AK3: variants seen among roughly 807,000 people sequenced by gnomAD.
AK3 encodes the protein GTP:AMP phosphotransferase AK3, mitochondrial.
A neutral mutation model predicts 23.7 loss-of-function variants in AK3; 27 were observed. The ratio of observed to expected loss-of-function variants is 1.14; its 90% CI spans 0.84 to 1.57. The LOEUF is 1.57. Among genes scored for constraint, AK3 ranks in the 40% most tolerant of loss-of-function variants. AK3 has a pLI of 0.00. For synonymous variants in AK3, 159 were observed against 116.0 expected (o/e 1.37, Z -2.38); for missense variants, 406 against 285.6 (o/e 1.42, Z -3.04).
intron 1 of AK3, among the ~76,000 whole-genome samples, chr9:4,739,880 G>T (rs916761270): frequency 6.6e-6 from 1 of 151,832 alleles, no homozygotes; most frequent in African/African-American, 2.4e-5. Context: ...GCAAGACTCC[G>T]TCTCAAAAAA....
chr9:4,714,294 AAAG>A (rs1306762449), intron 4 of AK3, among the ~76,000 whole-genome samples: 4 of 152,186 alleles, frequency 2.6e-5, no homozygotes, highest in African/African-American at 9.7e-5. Flanking sequence ...GACTTTGTGA[AAAG>A]AGGATTCCTT....
Position 4,719,172 on chromosome 9 carries a change from CG to C in AK3, c.406del (p.Arg136GlufsTer18). 6.2e-7 allele frequency: 1 copy of C among 1,611,842 alleles called. No individual in the cohort carries two copies. Among genetic ancestry groups the C allele is most frequent in the Non-Finnish European group, 8.5e-7 (1 of 1,179,820 alleles). ...TARWIHPASG[R>X]VYNIEFNPPK... ...AGGGTTGAATTCAATGTTATAGACT[CG>C]GCCACTGGCGGGATGAATCCAGCGA... On this transcript the variant is annotated frameshift_variant, in exon 3 of 5. Coordinates refer to ENST00000381809, the MANE Select transcript of AK3 (RefSeq NM_016282.4). LOFTEE classifies it high-confidence loss of function.
chr9:4,739,977 C>T (rs559959578), intron 1 of AK3, among the ~76,000 whole-genome samples: 30 of 150,844 alleles, frequency 2.0e-4, no homozygotes, highest in Admixed American at 1.5e-3. Context: ...CTCTGTTCCC[C>T]TCCGAAGAAT....
chr9:4,733,412 T>C (rs901959079), intron 1 of AK3, among the ~76,000 whole-genome samples: 4 of 152,308 alleles, frequency 2.6e-5, no homozygotes, highest in East Asian at 3.8e-4. Flanking sequence ...GAGATGTGCA[T>C]GGAAGGGGAA....
chr9:4,719,108 T>C (rs1841819310), intron 3 of AK3, 27 bp downstream of exon 3: 1 of 1,611,180 alleles, frequency 6.2e-7, no homozygotes, highest in Admixed American at 1.7e-5. Flanking sequence ...CAGTCTGCTA[T>C]GTGACAGTTC....
chr9:4,729,833 T>TAA lies in AK3; in HGVS notation c.152-7210_152-7209dup, dbSNP rs55934908. Among the ~76,000 whole-genome samples, 174 of 132,798 alleles carry TAA rather than the reference T, an allele frequency of 1.3e-3. 2 individuals are homozygous for TAA. In the South Asian group the frequency reaches 0.02, roughly 15 times the overall value. 87.1% of individuals were successfully genotyped at this position (132,798 alleles called of 152,430 possible). A position where few individuals can be genotyped will look rare whatever the true frequency, so the allele number is the denominator to read the frequency against. On this transcript the variant is annotated intron_variant, in intron 1 of 4. Coordinates refer to ENST00000381809, the MANE Select transcript of AK3 (RefSeq NM_016282.4). ...GTGACAGAGAAGAGACTGTGTCTCTTAAAAAAAAAAAAAAAAGAAATATGT... is the reference window on the plus strand; with the variant it reads ...GTGACAGAGAAGAGACTGTGTCTCTTAAAAAAAAAAAAAAAAAAGAAATATGT...
At chr9:4,735,466 G>A (rs71490243) in intron 1 of AK3, among the ~76,000 whole-genome samples, 10,379 of 46,548 alleles carry the variant, frequency 0.22, 1,519 homozygotes, top group East Asian at 0.55. Flanking sequence ...TAGTATATGT[G>A]TATATATATA....
rs1563780804 is a variant in AK3, at chr9:4,713,904, G to GCCTCCACATATACACA, written c.564-809_564-808insTGTGTATATGTGGAGG. On this transcript the variant is annotated intron_variant, in intron 4 of 4. Coordinates refer to ENST00000381809, the MANE Select transcript of AK3 (RefSeq NM_016282.4). ...TCCTCTAGCCCATGCGTACACCTAC[G>GCCTCCACATATACACA]CCTACACATATACACCTCCACATAT... 7.8e-3 allele frequency among the ~76,000 whole-genome samples: 7 copies of GCCTCCACATATACACA among 902 alleles called. 2 individuals carry two copies. Among genetic ancestry groups the GCCTCCACATATACACA allele is most frequent in the African/African-American group, 0.018 (4 of 220 alleles). The allele number at this position is 902 out of a possible 152,430, so 0.6% of individuals were successfully genotyped here. A position where few individuals can be genotyped will look rare whatever the true frequency, so the allele number is the denominator to read the frequency against.
At chr9:4,736,114 CAA>C (rs771506489) in intron 1 of AK3, among the ~76,000 whole-genome samples, 10 of 49,096 alleles carry the variant, frequency 2.0e-4, no homozygotes, top group Non-Finnish European at 3.1e-4. Flanking sequence ...GACTCCATCT[CAA>C]AAAAAAAAAA....
intron 1 of AK3, among the ~76,000 whole-genome samples, chr9:4,739,079 C>T (rs1288084418): frequency 6.6e-6 from 1 of 151,888 alleles, no homozygotes; most frequent in Non-Finnish European, 1.5e-5. Context: ...GGCCTACTCT[C>T]CTAGACTTTG....
intron 1 of AK3, among the ~76,000 whole-genome samples, chr9:4,732,483 T>C (rs962695054): frequency 6.6e-6 from 1 of 152,158 alleles, no homozygotes; most frequent in African/African-American, 2.4e-5. Context: ...CTGTATTTCC[T>C]TTTTTGATTC....
intron 2 of AK3, among the ~76,000 whole-genome samples, chr9:4,720,368 A>T (rs1841863153): frequency 6.6e-6 from 1 of 152,196 alleles, no homozygotes; most frequent in African/African-American, 2.4e-5. Flanking sequence ...TAAAATTAGT[A>T]GAAATAATAT....
Position 4,711,572 on chromosome 9 carries a change from G to A in AK3, c.*1404C>T, listed in dbSNP as rs1841562879. On this transcript the variant is annotated 3_prime_UTR_variant, in exon 5 of 5. Coordinates refer to ENST00000381809, the MANE Select transcript of AK3 (RefSeq NM_016282.4). ...TGGCACTTGTATTTTAAGTACCTGG[G>A]AAAAAAACGGAACAGATTTTTAAAG... 1.3e-5 allele frequency: 2 copies of A among 152,178 alleles called. No individual in the cohort carries two copies. Among genetic ancestry groups the A allele is most frequent in the Admixed American group, 6.6e-5 (1 of 15,248 alleles). 9.4% of individuals were successfully genotyped at this position (152,178 alleles called of 1,614,324 possible).
chr9:4,736,486 A>C (rs1455530775), intron 1 of AK3, among the ~76,000 whole-genome samples: 1 of 132,110 alleles, frequency 7.6e-6, no homozygotes, highest in Non-Finnish European at 1.6e-5. Flanking sequence ...AAAAAAAAAA[A>C]ACAACTCCGC....
chr9:4,720,717 A>C (rs1308601811), intron 2 of AK3, among the ~76,000 whole-genome samples: 2 of 151,590 alleles, frequency 1.3e-5, no homozygotes, highest in Non-Finnish European at 2.9e-5. Flanking sequence ...AAAGGTTAAA[A>C]CCGCACATGC....
upstream of AK3, among the ~76,000 whole-genome samples, chr9:4,741,534 C>T: frequency 6.6e-6 from 1 of 152,016 alleles, no homozygotes; most frequent in Non-Finnish European, 1.5e-5. Flanking sequence ...AACCCCGCGC[C>T]CTGTCCGGCC....
At chr9:4,721,046 CTT>C (rs920362807) in intron 2 of AK3, among the ~76,000 whole-genome samples, 6 of 152,166 alleles carry the variant, frequency 3.9e-5, no homozygotes, top group African/African-American at 1.2e-4. Flanking sequence ...AGAAGCAAGA[CTT>C]TTCATTAAAC....
intron 1 of AK3, among the ~76,000 whole-genome samples, chr9:4,737,083 T>C (rs1357200795): frequency 6.9e-6 from 1 of 144,566 alleles, no homozygotes; most frequent in African/African-American, 2.4e-5. Context: ...TTATTCACTA[T>C]ATAGTTTTTT....
chr9:4,711,423 A>G lies in AK3; in HGVS notation c.*1553T>C, dbSNP rs778347508. 11 of 152,664 alleles carry G rather than the reference A, an allele frequency of 7.2e-5. No individual in the cohort carries two copies. Among genetic ancestry groups the G allele is most frequent in the Non-Finnish European group, 1.6e-4 (11 of 68,048 alleles). The allele number at this position is 152,664 out of a possible 1,614,324, so 9.5% of individuals were successfully genotyped here. A position where few individuals can be genotyped will look rare whatever the true frequency, so the allele number is the denominator to read the frequency against. ...GGCATTATAGAAAGTTTTATAAAGAATGAAGTGTTTCCTATATTTCTTTTA... is the reference window on the plus strand; with the variant it reads ...GGCATTATAGAAAGTTTTATAAAGAGTGAAGTGTTTCCTATATTTCTTTTA... On this transcript the variant is annotated 3_prime_UTR_variant, in exon 5 of 5. Transcript: ENST00000381809.
Sources: gnomAD v4.1 joint callset for allele counts (sites outside exome capture counted in the v4.1 genomes callset) on GRCh38, gnomAD v4.1.1 for gene constraint, MANE v1.5 for transcripts, NCBI Gene and HGNC (gene_info 2026-07-23, HGNC 2026-07-21) for gene names.